UBXN7: variants seen among roughly 807,000 people sequenced by gnomAD.
The protein encoded by UBXN7 is UBX domain protein 7.
Under a neutral mutation model 58.0 loss-of-function variants are expected in UBXN7, and 9 were observed. The observed-to-expected ratio is 0.16, with a 90% confidence interval of 0.09 to 0.27. The LOEUF (loss-of-function observed/expected upper bound fraction) is 0.27. Among genes scored for constraint, UBXN7 ranks in the 10% least tolerant of loss-of-function variants. UBXN7 has a pLI of 1.00. For missense variants in UBXN7, 328 were observed against 599.6 expected (o/e 0.55, Z 4.73); for synonymous variants, 208 against 205.0 (o/e 1.01, Z -0.12).
chr3:196,408,054 C>T (rs1488129850), intron 1 of UBXN7, among the ~76,000 whole-genome samples: 3 of 143,754 alleles, frequency 2.1e-5, no homozygotes, highest in South Asian at 4.4e-4. Flanking sequence ...GCCGAAGTCA[C>T]GCCACTGCAC....
rs1244677974 is a variant in UBXN7, at chr3:196,351,231, CAGTAA to C, written c.*5449_*5453del. On this transcript the variant is annotated 3_prime_UTR_variant, in exon 11 of 11. Transcript: ENST00000296328. ...TATACAAATCAATTTCCCAACAGGCCAGTAAAGTACTTTAAGTACACAAGTAAAAA... is the reference window on the plus strand; with the variant it reads ...TATACAAATCAATTTCCCAACAGGCCAGTACTTTAAGTACACAAGTAAAAA... 1.3e-5 allele frequency: 2 copies of C among 152,130 alleles called. No homozygotes were observed. The highest frequency in any genetic ancestry group is 4.8e-5 in the African/African-American group (2 of 41,424). 9.4% of individuals were successfully genotyped at this position (152,130 alleles called of 1,614,324 possible). A position where few individuals can be genotyped will look rare whatever the true frequency, so the allele number is the denominator to read the frequency against.
intron 1 of UBXN7, among the ~76,000 whole-genome samples, chr3:196,416,500 C>G (rs2108621389): frequency 6.6e-6 from 1 of 151,998 alleles, no homozygotes; most frequent in East Asian, 1.9e-4. Flanking sequence ...TTGTTGCCAC[C>G]CTTTCTACCA....
Position 196,351,916 on chromosome 3 carries a change from C to T in UBXN7, c.*4769G>A, listed in dbSNP as rs184473296. The stretch of plus-strand genomic sequence containing the variant: ...GATTCCTGCGAGCTAGGAATCTTTA[C>T]TCCGGGGGATCAATAGTGAGATCCC... On this transcript the variant is annotated 3_prime_UTR_variant, in exon 11 of 11. Coordinates refer to ENST00000296328, the MANE Select transcript of UBXN7 (RefSeq NM_015562.2). The T allele has an allele frequency of 2.0e-5, 3 of 152,312 alleles. No individual in the cohort carries two copies. In the East Asian group the frequency reaches 5.8e-4, roughly 29 times the overall value. The allele number at this position is 152,312 out of a possible 1,614,324, so 9.4% of individuals were successfully genotyped here.
At chr3:196,387,733 C>G (rs1009102232) in intron 5 of UBXN7, among the ~76,000 whole-genome samples, 5 of 152,134 alleles carry the variant, frequency 3.3e-5, no homozygotes, top group African/African-American at 1.2e-4. Flanking sequence ...CAAATCAAAA[C>G]CACAATGAGA....
chr3:196,393,516 A>G (rs746954077), intron 4 of UBXN7, 38 bp downstream of exon 4: 1 of 1,574,822 alleles, frequency 6.3e-7, no homozygotes, highest in Admixed American at 1.8e-5. Flanking sequence ...TAATAGGAAG[A>G]GAAGAGGGAG....
rs548311954 is a variant in UBXN7, at chr3:196,414,482, C to T, written c.74-7089G>A. On this transcript the variant is annotated intron_variant, in intron 1 of 10. Coordinates refer to ENST00000296328, the MANE Select transcript of UBXN7 (RefSeq NM_015562.2). ...GCTGCATACAAGATTTGTTCCTTAC[C>T]CCTCCCATGTTATATCCCTCTACTC... 3.3e-5 allele frequency among the ~76,000 whole-genome samples: 5 copies of T among 152,078 alleles called. No individual in the cohort carries two copies. The South Asian group carries it at 1.0e-3, about 32-fold the overall frequency.
chr3:196,424,290 G>A (rs1054775916), intron 1 of UBXN7, among the ~76,000 whole-genome samples: 1 of 151,546 alleles, frequency 6.6e-6, no homozygotes, highest in South Asian at 2.1e-4. Context: ...GCAGTCCCCC[G>A]GATGTTGGTG....
At chr3:196,390,514 G>T (rs1478896624) in intron 5 of UBXN7, among the ~76,000 whole-genome samples, 1 of 152,064 alleles carries the variant, frequency 6.6e-6, no homozygotes, top group Admixed American at 6.6e-5. Context: ...GGCTGAGGTG[G>T]GCAGATCATG....
intron 3 of UBXN7, among the ~76,000 whole-genome samples, chr3:196,402,471 C>T (rs1730024104): frequency 6.6e-6 from 1 of 152,132 alleles, no homozygotes; most frequent in African/African-American, 2.4e-5. Context: ...GAAATAAATG[C>T]TTAACGATAA....
chr3:196,393,420 T>C (rs1308405706), intron 4 of UBXN7, 134 bp downstream of exon 4: 1 of 800,986 alleles, frequency 1.2e-6, no homozygotes, highest in South Asian at 2.4e-5. Flanking sequence ...GGAGAATTAA[T>C]CACATTCTGG....
intron 1 of UBXN7, among the ~76,000 whole-genome samples, chr3:196,422,441 C>T (rs979781762): frequency 1.3e-5 from 2 of 151,372 alleles, no homozygotes; most frequent in Non-Finnish European, 2.9e-5. Flanking sequence ...GATAACACGG[C>T]TGCACTCCAC....
intron 3 of UBXN7, chr3:196,400,007 T>C (rs1048012486): frequency 6.6e-6 from 1 of 152,166 alleles, no homozygotes; most frequent in African/African-American, 2.4e-5. Flanking sequence ...TAGTGTGCTA[T>C]GCCAGTCAGG....
At chr3:196,401,268 A>T (rs1339784658) in intron 3 of UBXN7, among the ~76,000 whole-genome samples, 14 of 86,892 alleles carry the variant, frequency 1.6e-4, no homozygotes, top group South Asian at 1.1e-3. Context: ...AAAAAAAAAA[A>T]AAAAAAATAT....
intron 3 of UBXN7, chr3:196,397,671 C>T (rs1729818181): frequency 2.0e-5 from 3 of 152,222 alleles, no homozygotes; most frequent in Non-Finnish European, 4.4e-5. Flanking sequence ...AGTGCAGACA[C>T]CCAATCAGCA....
rs1237318630 is a variant in UBXN7 at position 196,350,063 on chromosome 3, A to C, written c.*6622T>G. ...ATGCGACTTCTCATATTTATAGATT[A>C]ATCTGTGATTGCTCTTGGGAAAAAT... On this transcript the variant is annotated 3_prime_UTR_variant, in exon 11 of 11. Transcript: ENST00000296328. 6.6e-6 allele frequency: 1 copy of C among 152,234 alleles called. No homozygotes were observed. The highest frequency in any genetic ancestry group is 1.5e-5 in the Non-Finnish European group (1 of 68,036). The allele number at this position is 152,234 out of a possible 1,614,324, so 9.4% of individuals were successfully genotyped here.
At chr3:196,386,894 A>C (rs552658315) in intron 5 of UBXN7, among the ~76,000 whole-genome samples, 1 of 152,324 alleles carries the variant, frequency 6.6e-6, no homozygotes, top group African/African-American at 2.4e-5. Flanking sequence ...AAAAGAGCCC[A>C]CATTGCCAAG....
chr3:196,363,120 C>T (rs990166050), intron 8 of UBXN7, among the ~76,000 whole-genome samples: 4 of 151,472 alleles, frequency 2.6e-5, no homozygotes, highest in African/African-American at 9.7e-5. Context: ...GGGGTTTCAC[C>T]ACATTGGCCA....
At chr3:196,423,772 A>G (rs1248478858) in intron 1 of UBXN7, among the ~76,000 whole-genome samples, 1 of 151,970 alleles carries the variant, frequency 6.6e-6, no homozygotes, top group African/African-American at 2.4e-5. Flanking sequence ...AATTTTATCA[A>G]CTCTAAGATT....
chr3:196,411,957 G>T (rs1260320065), intron 1 of UBXN7, among the ~76,000 whole-genome samples: 1 of 152,050 alleles, frequency 6.6e-6, no homozygotes, highest in African/African-American at 2.4e-5. Context: ...GGCCAGGTGC[G>T]GTGGCTCATG....
Sources: allele counts gnomAD v4.1 joint callset (sites outside exome capture counted in the v4.1 genomes callset), GRCh38; gene constraint gnomAD v4.1.1; transcripts MANE v1.5; gene names NCBI Gene and HGNC (gene_info 2026-07-23, HGNC 2026-07-21).